Variants in DPYD observed in about 807,000 individuals in gnomAD.
The protein encoded by DPYD is dihydropyrimidine dehydrogenase [NADP(+)].
Under a neutral mutation model 116.2 loss-of-function variants are expected in DPYD, and 109 were observed. The observed-to-expected ratio is 0.94, with a 90% CI of 0.80 to 1.10. DPYD has a LOEUF of 1.10. Among genes scored for constraint, DPYD ranks in the 50% least tolerant of loss-of-function variants. DPYD has a pLI of 0.00. For missense variants in DPYD, 1,302 were observed against 1,254.5 expected (o/e 1.04, Z -0.57); for synonymous variants, 440 against 432.0 (o/e 1.02, Z -0.23).
intron 6 of DPYD, among the ~76,000 whole-genome samples, chr1:97,697,920 C>T (rs1661394139): frequency 6.6e-6 from 1 of 151,894 alleles, no homozygotes; most frequent in Non-Finnish European, 1.5e-5. Flanking sequence ...CAATTAAGTT[C>T]ATATTTTAAA....
At chr1:97,472,432 T>A (rs542021918) in intron 13 of DPYD, among the ~76,000 whole-genome samples, 98 of 152,248 alleles carry the variant, frequency 6.4e-4, no homozygotes, top group Non-Finnish European at 1.2e-3. Context: ...AGTCCATACA[T>A]GGTTCCAATT....
chr1:97,841,698 G>A (rs1670044654), intron 2 of DPYD, among the ~76,000 whole-genome samples: 2 of 151,776 alleles, frequency 1.3e-5, no homozygotes, highest in East Asian at 1.9e-4. Flanking sequence ...TTACCTAAAG[G>A]GAGTAGCAGG....
At chr1:97,176,897 T>TGTGTGTGTGTGTGTGTGTG (rs1553228786) in intron 20 of DPYD, among the ~76,000 whole-genome samples, 3 of 79,670 alleles carry the variant, frequency 3.8e-5, no homozygotes, top group African/African-American at 7.5e-5. Context: ...TGTGTGTGTG[T>TGTGTGTGTGTGTGTGTGTG]AGGGGGGGTG....
chr1:97,372,061 T>C (rs1288043205), intron 16 of DPYD, among the ~76,000 whole-genome samples: 3 of 152,202 alleles, frequency 2.0e-5, no homozygotes, highest in African/African-American at 7.2e-5. Flanking sequence ...GATGTGCTCA[T>C]ATAGCAAAAG....
At chr1:97,876,763 G>C (rs1671941217) in intron 2 of DPYD, among the ~76,000 whole-genome samples, 1 of 152,004 alleles carries the variant, frequency 6.6e-6, no homozygotes, top group South Asian at 2.1e-4. Context: ...GAAACAAAGG[G>C]TGTTTCTTTT....
chr1:97,864,397 T>C (rs1008690495), intron 2 of DPYD, among the ~76,000 whole-genome samples: 4 of 151,856 alleles, frequency 2.6e-5, no homozygotes, highest in Non-Finnish European at 5.9e-5. Context: ...GTAAACATAT[T>C]TGAATGGTGA....
chr1:97,909,457 T>G (rs1386177746), intron 1 of DPYD, among the ~76,000 whole-genome samples: 1 of 152,124 alleles, frequency 6.6e-6, no homozygotes, highest in African/African-American at 2.4e-5. Flanking sequence ...TGTTCCCCTT[T>G]ACAGGAAAAC....
intron 2 of DPYD, among the ~76,000 whole-genome samples, chr1:97,867,589 T>C (rs1423656252): frequency 6.6e-6 from 1 of 151,942 alleles, no homozygotes; most frequent in Non-Finnish European, 1.5e-5. Flanking sequence ...ATAAGTGTGA[T>C]ATACCACATT....
chr1:97,380,580 A>C (rs1017585532), intron 15 of DPYD, among the ~76,000 whole-genome samples: 1 of 152,232 alleles, frequency 6.6e-6, no homozygotes, highest in East Asian at 1.9e-4. Context: ...TCAAGAATTA[A>C]TCTGCCATAA....
chr1:97,515,598 T>C (rs1004643207), intron 13 of DPYD, 128 bp downstream of exon 13: 2 of 817,802 alleles, frequency 2.4e-6, no homozygotes, highest in Non-Finnish European at 3.8e-6. Context: ...GATTAATGTG[T>C]AATGATAGGT....
At chr1:97,489,929 T>C (rs894882659) in intron 13 of DPYD, among the ~76,000 whole-genome samples, 2 of 152,206 alleles carry the variant, frequency 1.3e-5, no homozygotes, top group Non-Finnish European at 2.9e-5. Flanking sequence ...ATACCTATAA[T>C]ATTTTTTGAG....
intron 20 of DPYD, among the ~76,000 whole-genome samples, chr1:97,165,890 A>G (rs952269572): frequency 6.7e-6 from 1 of 149,652 alleles, no homozygotes; most frequent in Non-Finnish European, 1.5e-5. Context: ...CACATCAGTC[A>G]GAATGACTAC....
intron 10 of DPYD, among the ~76,000 whole-genome samples, chr1:97,588,245 CA>C (rs1571013332): frequency 1.3e-5 from 2 of 152,092 alleles, no homozygotes; most frequent in Admixed American, 1.3e-4. Flanking sequence ...TAAGGCGTAC[CA>C]GGGGTAGCAT....
At chr1:97,413,172 C>T (rs1674103536) in intron 14 of DPYD, among the ~76,000 whole-genome samples, 1 of 152,150 alleles carries the variant, frequency 6.6e-6, no homozygotes, top group African/African-American at 2.4e-5. Context: ...AGAATGAATG[C>T]AGACTGTAAA....
intron 2 of DPYD, among the ~76,000 whole-genome samples, chr1:97,843,932 A>C (rs576194029): frequency 2.0e-5 from 3 of 152,330 alleles, no homozygotes; most frequent in African/African-American, 7.2e-5. Flanking sequence ...TACATTTAAC[A>C]CTATGTGATA....
At chr1:97,822,222 TTCTCTC>T (rs150231775) in intron 3 of DPYD, among the ~76,000 whole-genome samples, 1 of 92,246 alleles carries the variant, frequency 1.1e-5, no homozygotes, top group Non-Finnish European at 2.5e-5. Flanking sequence ...GCAATTTTGT[TTCTCTC>T]TCTCTCTCTA....
At chr1:97,147,872 A>T (rs1654741767) in intron 20 of DPYD, among the ~76,000 whole-genome samples, 1 of 152,118 alleles carries the variant, frequency 6.6e-6, no homozygotes, top group Non-Finnish European at 1.5e-5. Flanking sequence ...TGAGTGCAAT[A>T]TTGGTTTATA....
At chr1:97,793,931 T>G (rs199904461) in intron 3 of DPYD, among the ~76,000 whole-genome samples, 16 of 151,472 alleles carry the variant, frequency 1.1e-4, no homozygotes, top group African/African-American at 3.9e-4. Flanking sequence ...TGTTTGTTTG[T>G]TTGGTTTGTT....
intron 2 of DPYD, among the ~76,000 whole-genome samples, chr1:97,829,073 T>C (rs930432440): frequency 1.1e-4 from 17 of 151,870 alleles, no homozygotes; most frequent in African/African-American, 3.9e-4. Context: ...ATGAATCTTT[T>C]GGCACCCTAG....
Sources: gnomAD v4.1 joint callset for allele counts (sites outside exome capture counted in the v4.1 genomes callset) on GRCh38, gnomAD v4.1.1 for gene constraint, MANE v1.5 for transcripts, NCBI Gene and HGNC (gene_info 2026-07-23, HGNC 2026-07-21) for gene names.